The following SORCS1 variants were observed in gnomAD, a reference collection of about 807,000 sequenced individuals.
SORCS1 encodes VPS10 domain-containing receptor SorCS1.
In SORCS1, 60 loss-of-function variants were observed where a neutral mutation model predicts 146.1. That is an observed-to-expected ratio of 0.41 (90% confidence interval 0.33 to 0.51). The LOEUF is 0.51. Ranked by LOEUF, SORCS1 falls within the 20% of genes least tolerant of loss-of-function variation. The pLI is 0.21. For missense variants in SORCS1, 1,352 were observed against 1,487.6 expected (o/e 0.91, Z 1.50); for synonymous variants, 637 against 584.0 (o/e 1.09, Z -1.31).
In SORCS1 at chr10:106,677,482, G is replaced by A; in HGVS notation, c.1741-78C>T. On this transcript the variant is annotated intron_variant, in intron 12 of 25. Transcript: ENST00000263054. ...GGCTTCAGAGAATCAGTCTTCACAT[G>A]AGAACAAAAATCCTTCCCATGATAA... 3 of 1,282,568 alleles carry A rather than the reference G, an allele frequency of 2.3e-6. No individual in the cohort carries two copies. In the South Asian group the frequency reaches 3.7e-5, roughly 16 times the overall value. The allele number at this position is 1,282,568 out of a possible 1,614,324, so 79.4% of individuals were successfully genotyped here. A position where few individuals can be genotyped will look rare whatever the true frequency, so the allele number is the denominator to read the frequency against.
At chr10:107,074,448 A>T (rs565323420) in intron 1 of SORCS1, among the ~76,000 whole-genome samples, 2 of 152,234 alleles carry the variant, frequency 1.3e-5, no homozygotes, top group Admixed American at 6.5e-5. Context: ...TTCACCTACC[A>T]GAAAGCATTT....
At chr10:107,001,893 T>C (rs954733460) in intron 1 of SORCS1, among the ~76,000 whole-genome samples, 3 of 152,244 alleles carry the variant, frequency 2.0e-5, no homozygotes, top group Admixed American at 2.0e-4. Context: ...TCTGTTATTA[T>C]TGGTTATATG....
intron 1 of SORCS1, among the ~76,000 whole-genome samples, chr10:107,134,536 G>A (rs1967118667): frequency 6.6e-6 from 1 of 152,146 alleles, no homozygotes. Context: ...CTACTTGGGA[G>A]GCTGAGGCAG....
chr10:106,742,476 T>G (rs569844445), intron 5 of SORCS1, among the ~76,000 whole-genome samples: 1 of 152,112 alleles, frequency 6.6e-6, no homozygotes, highest in South Asian at 2.1e-4. Context: ...GTCTTCTGGG[T>G]TCAAGTGATT....
chr10:106,640,243 T>C (rs1042814426), intron 18 of SORCS1, among the ~76,000 whole-genome samples: 2 of 152,212 alleles, frequency 1.3e-5, no homozygotes, highest in Non-Finnish European at 2.9e-5. Context: ...GAAGTGTTAT[T>C]ACACTGTGGG....
chr10:106,620,249 AG>A, intron 20 of SORCS1, 178 bp downstream of exon 20: 1 of 201,202 alleles, frequency 5.0e-6, no homozygotes, highest in Non-Finnish European at 8.8e-6. Context: ...GAGAGGGGCC[AG>A]AGAGAGAGAG....
chr10:106,956,364 G>C (rs552900966), intron 2 of SORCS1, 149 bp downstream of exon 2: 1 of 661,716 alleles, frequency 1.5e-6, no homozygotes. Flanking sequence ...AAAGCCCAGC[G>C]CATCACTAAA....
chr10:106,673,369 G>T (rs1248401129), intron 14 of SORCS1, among the ~76,000 whole-genome samples: 1 of 152,138 alleles, frequency 6.6e-6, no homozygotes, highest in Admixed American at 6.5e-5. Context: ...CTGACCTCAT[G>T]ATCCGCCCGC....
At chr10:106,580,791 G>T (rs2133201930) in intron 24 of SORCS1, among the ~76,000 whole-genome samples, 1 of 152,276 alleles carries the variant, frequency 6.6e-6, no homozygotes, top group Middle Eastern at 3.4e-3. Flanking sequence ...ACTCTGTATT[G>T]ATACTGGGAA....
At chr10:106,915,532 C>T (rs913315739) in intron 2 of SORCS1, among the ~76,000 whole-genome samples, 3 of 152,136 alleles carry the variant, frequency 2.0e-5, no homozygotes, top group African/African-American at 7.2e-5. Flanking sequence ...CCTGTGTGGT[C>T]TCATTTCACA....
intron 1 of SORCS1, among the ~76,000 whole-genome samples, chr10:107,024,806 T>A (rs1958324201): frequency 6.6e-6 from 1 of 152,186 alleles, no homozygotes; most frequent in Non-Finnish European, 1.5e-5. Context: ...ACAGAGTACA[T>A]CTTTAAAAGA....
chr10:107,100,779 G>T (rs1310228989), intron 1 of SORCS1, among the ~76,000 whole-genome samples: 1 of 152,126 alleles, frequency 6.6e-6, no homozygotes, highest in Non-Finnish European at 1.5e-5. Context: ...AAGAACAAGG[G>T]AATACCCACA....
chr10:107,037,076 G>C (rs1958936571), intron 1 of SORCS1, among the ~76,000 whole-genome samples: 1 of 151,478 alleles, frequency 6.6e-6, no homozygotes, highest in Admixed American at 6.6e-5. Flanking sequence ...TGAAACCCCT[G>C]CTCTATTAAA....
At chr10:106,877,155 C>A (rs1950616980) in intron 2 of SORCS1, among the ~76,000 whole-genome samples, 1 of 152,148 alleles carries the variant, frequency 6.6e-6, no homozygotes, top group East Asian at 1.9e-4. Context: ...TTTGCCACAG[C>A]TTGATTTTTC....
rs546747934 is a variant in SORCS1 at position 106,896,832 on chromosome 10, G to A, written c.626+59681C>T. Reference sequence around the variant, plus strand: ...GAGATGAAATGACTCAAGGTCACAGGTTCAGATGTTCTGACACATTACTCA... The same window carrying A: ...GAGATGAAATGACTCAAGGTCACAGATTCAGATGTTCTGACACATTACTCA... On this transcript the variant is annotated intron_variant, in intron 2 of 25. Transcript: ENST00000263054. Among the ~76,000 whole-genome samples the A allele has an allele frequency of 4.0e-5, 6 of 151,106 alleles. No homozygotes were observed. The East Asian group carries it at 9.7e-4, about 25-fold the overall frequency.
chr10:106,643,600 G>A (rs1296379313), intron 18 of SORCS1, among the ~76,000 whole-genome samples: 1 of 152,258 alleles, frequency 6.6e-6, no homozygotes, highest in Non-Finnish European at 1.5e-5. Context: ...ACAGCTGGAG[G>A]CAGCAGATTT....
At chr10:106,964,414 C>T (rs1254494391) in intron 1 of SORCS1, among the ~76,000 whole-genome samples, 1 of 152,188 alleles carries the variant, frequency 6.6e-6, no homozygotes, top group Non-Finnish European at 1.5e-5. Context: ...AGTGATCCTC[C>T]TGCCTCAGTG....
intron 1 of SORCS1, among the ~76,000 whole-genome samples, chr10:107,066,376 T>C (rs1336976): frequency 0.55 from 84,027 of 152,088 alleles, 24,839 homozygotes; most frequent in African/African-American, 0.75. Context: ...CCTTCAATTG[T>C]TTTACAAATA....
intron 18 of SORCS1, among the ~76,000 whole-genome samples, chr10:106,633,300 T>C (rs574137404): frequency 6.6e-6 from 1 of 152,344 alleles, no homozygotes; most frequent in African/African-American, 2.4e-5. Flanking sequence ...GAATCTTTTT[T>C]ATTTCTTTGT....
Sources: allele counts gnomAD v4.1 joint callset (sites outside exome capture counted in the v4.1 genomes callset), GRCh38; gene constraint gnomAD v4.1.1; transcripts MANE v1.5; gene names NCBI Gene and HGNC (gene_info 2026-07-23, HGNC 2026-07-21).